USP48: variants seen among roughly 807,000 people sequenced by gnomAD.
The protein encoded by USP48 is ubiquitin specific peptidase 48.
USP48 carries 43 observed loss-of-function variants against 150.7 expected under a neutral mutation model. The observed-to-expected ratio is 0.29, with a 90% CI of 0.22 to 0.37. USP48 has a LOEUF of 0.37. Ranked by LOEUF, USP48 falls within the 10% of genes least tolerant of loss-of-function variation. The pLI is 1.00. For missense variants in USP48, 813 were observed against 1,249.6 expected (o/e 0.65, Z 5.27); for synonymous variants, 396 against 425.9 (o/e 0.93, Z 0.86).
chr1:21,705,115 T>C (rs909571697), intron 19 of USP48, among the ~76,000 whole-genome samples: 48 of 152,178 alleles, frequency 3.2e-4, no homozygotes, highest in African/African-American at 1.2e-3. Context: ...ATATGAATAA[T>C]AAAACTCTAG....
intron 15 of USP48, among the ~76,000 whole-genome samples, chr1:21,710,843 T>C (rs958612063): frequency 4.6e-5 from 7 of 152,236 alleles, no homozygotes; most frequent in Admixed American, 4.6e-4. Flanking sequence ...GATCTCACTC[T>C]GTCACCCAGG....
At chr1:21,685,325 TTTTC>T (rs1292791425) in intron 25 of USP48, among the ~76,000 whole-genome samples, 2 of 149,944 alleles carry the variant, frequency 1.3e-5, no homozygotes, top group Admixed American at 6.6e-5. Flanking sequence ...AATTGCTTTC[TTTTC>T]TTTTTTTTTT....
chr1:21,704,486 CTAACATT>C, intron 19 of USP48, 94 bp from the exon 20 acceptor site: 1 of 1,330,518 alleles, frequency 7.5e-7, no homozygotes, highest in South Asian at 1.6e-5. Flanking sequence ...ACCATTAACA[CTAACATT>C]TAATCCAAAG....
intron 12 of USP48, among the ~76,000 whole-genome samples, chr1:21,722,500 C>T (rs1401709486): frequency 6.6e-6 from 1 of 150,758 alleles, no homozygotes; most frequent in African/African-American, 2.4e-5. Context: ...GATTCCACCA[C>T]TGTACTCCAG....
intron 8 of USP48, among the ~76,000 whole-genome samples, chr1:21,744,338 C>G (rs144622859): frequency 5.1e-4 from 77 of 151,522 alleles, no homozygotes; most frequent in African/African-American, 1.8e-3. Context: ...CCCAGCTACT[C>G]GAGAGACTGA....
chr1:21,740,340 C>A (rs1329739054), intron 8 of USP48, among the ~76,000 whole-genome samples: 1 of 152,128 alleles, frequency 6.6e-6, no homozygotes, highest in African/African-American at 2.4e-5. Context: ...GTATATATAC[C>A]ACATTTTCTT....
At chr1:21,706,719 C>T (rs947996515) in intron 16 of USP48, 25 bp downstream of exon 16, 5 of 1,610,404 alleles carry the variant, frequency 3.1e-6, no homozygotes, top group Non-Finnish European at 4.2e-6. Context: ...ATGCCATTTC[C>T]CCAGATGTCA....
intron 8 of USP48, among the ~76,000 whole-genome samples, chr1:21,736,847 C>T (rs1221072485): frequency 6.6e-6 from 1 of 152,120 alleles, no homozygotes; most frequent in Non-Finnish European, 1.5e-5. Flanking sequence ...TTCTCCAAGC[C>T]TCTGCAAAAT....
chr1:21,739,356 T>C (rs1434226711), intron 8 of USP48, among the ~76,000 whole-genome samples: 2 of 151,564 alleles, frequency 1.3e-5, no homozygotes, highest in Non-Finnish European at 1.5e-5. Flanking sequence ...CCCTCTCTAC[T>C]AAAAATACAA....
intron 14 of USP48, among the ~76,000 whole-genome samples, chr1:21,716,734 C>T (rs1000400714): frequency 1.3e-5 from 2 of 152,158 alleles, no homozygotes; most frequent in Non-Finnish European, 1.5e-5. Flanking sequence ...TGATTAAAAT[C>T]ATTATCCATG....
chr1:21,715,764 T>C (rs1444132847), intron 14 of USP48, among the ~76,000 whole-genome samples: 3 of 152,232 alleles, frequency 2.0e-5, no homozygotes, highest in Admixed American at 1.3e-4. Context: ...TACTGTGTCA[T>C]AAACCAAGTT....
intron 1 of USP48, among the ~76,000 whole-genome samples, chr1:21,780,990 TC>T (rs1269018508): frequency 2.7e-5 from 4 of 150,930 alleles, no homozygotes; most frequent in African/African-American, 7.3e-5. Flanking sequence ...TCCGCCCATC[TC>T]GGCCTCCCAA....
At chr1:21,769,877 A>G (rs2097874056) in intron 1 of USP48, among the ~76,000 whole-genome samples, 1 of 152,140 alleles carries the variant, frequency 6.6e-6, no homozygotes, top group African/African-American at 2.4e-5. Flanking sequence ...GAAATCCTGT[A>G]TCAAAAAGAA....
intron 11 of USP48, among the ~76,000 whole-genome samples, chr1:21,727,081 C>A (rs2097739734): frequency 1.3e-5 from 2 of 151,956 alleles, no homozygotes; most frequent in South Asian, 4.1e-4. Context: ...AAGTATATTT[C>A]AATGGAAATA....
chr1:21,700,742 C>T (rs1206549912), intron 22 of USP48, among the ~76,000 whole-genome samples: 1 of 151,770 alleles, frequency 6.6e-6, no homozygotes, highest in African/African-American at 2.4e-5. Context: ...TTATCTCCAC[C>T]TACATCAACC....
chr1:21,752,705 C>A, intron 4 of USP48, 54 bp from the exon 5 acceptor site: 1 of 1,534,592 alleles, frequency 6.5e-7, no homozygotes, highest in East Asian at 2.3e-5. Flanking sequence ...TCAACTTCTA[C>A]TACAAATAGT....
intron 1 of USP48, among the ~76,000 whole-genome samples, chr1:21,760,786 A>G (rs1390272172): frequency 1.3e-5 from 2 of 149,050 alleles, no homozygotes; most frequent in African/African-American, 5.0e-5. Context: ...ATATATAACG[A>G]TATCATTAGT....
intron 12 of USP48, among the ~76,000 whole-genome samples, chr1:21,722,717 T>C (rs1294643144): frequency 1.3e-5 from 2 of 151,880 alleles, no homozygotes; most frequent in African/African-American, 4.8e-5. Flanking sequence ...TGGTGGTGCA[T>C]GTCTGTGGTC....
intron 7 of USP48, 82 bp downstream of exon 7, chr1:21,748,056 C>A: frequency 2.3e-6 from 3 of 1,329,692 alleles, no homozygotes; most frequent in Middle Eastern, 2.2e-4. Flanking sequence ...AAATTACAAC[C>A]ATTTTATCAT....
Sources: allele counts gnomAD v4.1 joint callset (sites outside exome capture counted in the v4.1 genomes callset), GRCh38; gene constraint gnomAD v4.1.1; transcripts MANE v1.5; gene names NCBI Gene and HGNC (gene_info 2026-07-23, HGNC 2026-07-21).